The following NKAIN3 variants were observed in gnomAD, a reference collection of about 807,000 sequenced individuals.
The protein encoded by NKAIN3 is sodium/potassium transporting ATPase interacting 3, also known as sodium/potassium-transporting ATPase subunit beta-1-interacting protein 3.
In NKAIN3, 25 loss-of-function variants were observed where a neutral mutation model predicts 30.2. The ratio of observed to expected loss-of-function variants is 0.83; its 90% CI spans 0.60 to 1.16. The LOEUF is 1.16. NKAIN3 is among the 50% of genes most tolerant of loss of function. The pLI, the probability that NKAIN3 is intolerant of heterozygous loss-of-function variation, is 0.00. For synonymous variants in NKAIN3, 91 were observed against 89.6 expected (o/e 1.02, Z -0.09); for missense variants, 225 against 254.1 (o/e 0.89, Z 0.78).
intron 3 of NKAIN3, among the ~76,000 whole-genome samples, chr8:62,741,076 T>C (rs1219269595): frequency 6.6e-6 from 1 of 151,950 alleles, no homozygotes; most frequent in Non-Finnish European, 1.5e-5. Context: ...TTTATGTCCT[T>C]GTAATCCAGT....
chr8:62,654,169 C>CAA lies in NKAIN3; in HGVS notation c.273+64383_273+64384dup, dbSNP rs34220873. On this transcript the variant is annotated intron_variant, in intron 3 of 6. Coordinates refer to ENST00000623646, the MANE Select transcript of NKAIN3 (RefSeq NM_001304533.3). ...AAAGAATGAAATGCTTAAAATAATG[C>CAA]AAAAAAAAACTACAATTGAGTTCAT... Among the ~76,000 whole-genome samples, 868 of 147,238 alleles carry CAA rather than the reference C, an allele frequency of 5.9e-3. 9 individuals carry two copies. Among genetic ancestry groups the CAA allele is most frequent in the African/African-American group, 0.02 (797 of 40,422 alleles).
intron 4 of NKAIN3, among the ~76,000 whole-genome samples, chr8:62,888,520 T>TA (rs1337432079): frequency 6.6e-6 from 1 of 152,220 alleles, no homozygotes; most frequent in Non-Finnish European, 1.5e-5. Flanking sequence ...TCTCTGTACC[T>TA]ACGTGCATAT....
At chr8:62,908,454 G>C (rs922542211) in intron 4 of NKAIN3, among the ~76,000 whole-genome samples, 1 of 152,128 alleles carries the variant, frequency 6.6e-6, no homozygotes, top group African/African-American at 2.4e-5. Context: ...GGGGCCAGGA[G>C]TGGAATGTTA....
At chr8:62,959,433 G>GGTGTGTGTGTGGGTGT (rs71559385) in intron 6 of NKAIN3, among the ~76,000 whole-genome samples, 220 of 143,238 alleles carry the variant, frequency 1.5e-3, no homozygotes, top group African/African-American at 5.2e-3. Flanking sequence ...GACAAATCAG[G>GGTGTGTGTGTGGGTGT]GTGTGTGTGT....
chr8:62,829,644 G>A (rs1259178668), intron 4 of NKAIN3, among the ~76,000 whole-genome samples: 1 of 152,046 alleles, frequency 6.6e-6, no homozygotes, highest in Admixed American at 6.6e-5. Context: ...TAAGTCCTGT[G>A]ATTTTATGAT....
intron 1 of NKAIN3, among the ~76,000 whole-genome samples, chr8:62,550,923 A>G (rs1809187617): frequency 6.6e-6 from 1 of 152,144 alleles, no homozygotes; most frequent in Admixed American, 6.5e-5. Context: ...ATCTGCCAAG[A>G]GGTCCTGAGA....
chr8:62,329,684 G>A (rs1815274515), intron 1 of NKAIN3, among the ~76,000 whole-genome samples: 1 of 152,024 alleles, frequency 6.6e-6, no homozygotes, highest in South Asian at 2.1e-4. Context: ...TCTTTTTTAT[G>A]GCTGCATGAT....
chr8:62,580,530 C>A (rs1810256488), intron 2 of NKAIN3, among the ~76,000 whole-genome samples: 1 of 152,102 alleles, frequency 6.6e-6, no homozygotes, highest in African/African-American at 2.4e-5. Flanking sequence ...GATATTGCCT[C>A]ACTAGAAGAA....
intron 3 of NKAIN3, among the ~76,000 whole-genome samples, chr8:62,618,639 C>G (rs1203325687): frequency 6.6e-6 from 1 of 152,136 alleles, no homozygotes; most frequent in Non-Finnish European, 1.5e-5. Context: ...GGGGCTGTGG[C>G]TAACGCCTGT....
At chr8:62,348,026 G>T (rs5891847) in intron 1 of NKAIN3, among the ~76,000 whole-genome samples, 160 of 59,700 alleles carry the variant, frequency 2.7e-3, no homozygotes, top group South Asian at 0.02. Context: ...ATTTTTTATT[G>T]TTTTTTTATT....
At chr8:62,801,778 T>C (rs1054232076) in intron 4 of NKAIN3, among the ~76,000 whole-genome samples, 2 of 152,178 alleles carry the variant, frequency 1.3e-5, no homozygotes, top group African/African-American at 4.8e-5. Flanking sequence ...AGAATGACTT[T>C]GACGAGTTGA....
chr8:62,426,261 A>C (rs1425527205), intron 1 of NKAIN3, among the ~76,000 whole-genome samples: 6 of 151,980 alleles, frequency 3.9e-5, no homozygotes, highest in Non-Finnish European at 8.8e-5. Context: ...AGAGGAATGC[A>C]TGAAAAATTT....
At chr8:62,721,130 A>C (rs1381554274) in intron 3 of NKAIN3, among the ~76,000 whole-genome samples, 1 of 152,214 alleles carries the variant, frequency 6.6e-6, no homozygotes, top group Non-Finnish European at 1.5e-5. Context: ...TCTGTCCAGG[A>C]GTAAAATATC....
intron 1 of NKAIN3, among the ~76,000 whole-genome samples, chr8:62,453,140 G>A (rs75409916): frequency 0.03 from 4,528 of 152,162 alleles, 259 homozygotes; most frequent in African/African-American, 0.1. Context: ...TATTTAAAAA[G>A]ATGTATATAA....
At position 62,296,544 on chromosome 8, in the gene NKAIN3, A is replaced by T. The variant is rs549416018; in HGVS notation, c.54+47417A>T. On this transcript the variant is annotated intron_variant, in intron 1 of 6. Transcript: ENST00000623646. ...AGCATATTAACTGTAACTTTTTTTT[A>T]AAAAAAGAGATTTTACAGTTATTGT... 3.5e-3 allele frequency among the ~76,000 whole-genome samples: 526 copies of T among 152,158 alleles called. 2 individuals are homozygous for T. The highest frequency in any genetic ancestry group is 0.012 in the African/African-American group (487 of 41,526).
intron 4 of NKAIN3, among the ~76,000 whole-genome samples, chr8:62,802,396 G>A (rs931846176): frequency 2.0e-5 from 3 of 152,226 alleles, no homozygotes; most frequent in Non-Finnish European, 4.4e-5. Flanking sequence ...ACAAAGGGAA[G>A]CCCGTCAGAC....
intron 4 of NKAIN3, chr8:62,856,613 C>T: frequency 1.3e-6 from 1 of 778,492 alleles, no homozygotes; most frequent in Non-Finnish European, 2.4e-6. Context: ...TATGACTCAT[C>T]ATGAACTGGA....
chr8:62,968,651 G>T lies in NKAIN3; in HGVS notation c.*3244G>T, dbSNP rs151065616. ...TTAGCTTCTAGTGCTGACTGGAATG[G>T]TGAACATTTAAAGCCAGTGTTTTTC... On this transcript the variant is annotated 3_prime_UTR_variant, in exon 7 of 7. Coordinates refer to ENST00000623646, the MANE Select transcript of NKAIN3 (RefSeq NM_001304533.3). Among the ~76,000 whole-genome samples the T allele has an allele frequency of 2.0e-5, 3 of 152,194 alleles. No homozygotes were observed. The highest frequency in any genetic ancestry group is 7.2e-5 in the African/African-American group (3 of 41,460).
Position 62,956,558 on chromosome 8 carries a change from T to C in NKAIN3, c.603+2586T>C, listed in dbSNP as rs532466704. The stretch of plus-strand genomic sequence containing the variant: ...TTCAAGTGTCCACAGTCAAATTGTA[T>C]GGGAATGTGTATAGGGGAAGTGGGG... On this transcript the variant is annotated intron_variant, in intron 6 of 6. Coordinates refer to ENST00000623646, the MANE Select transcript of NKAIN3 (RefSeq NM_001304533.3). Among the ~76,000 whole-genome samples the C allele has an allele frequency of 2.0e-5, 3 of 152,140 alleles. No individual in the cohort carries two copies. In the South Asian group the frequency reaches 6.2e-4, roughly 32 times the overall value.
Sources: gnomAD v4.1 joint callset for allele counts (sites outside exome capture counted in the v4.1 genomes callset) on GRCh38, gnomAD v4.1.1 for gene constraint, MANE v1.5 for transcripts, NCBI Gene and HGNC (gene_info 2026-07-23, HGNC 2026-07-21) for gene names.